Variants in GTF2B observed in about 807,000 individuals in gnomAD.
The protein encoded by GTF2B is general transcription factor IIB, also known as transcription initiation factor IIB.
In GTF2B, 20 loss-of-function variants were observed where a neutral mutation model predicts 34.6. The observed-to-expected ratio is 0.58, with a 90% CI of 0.41 to 0.84. The LOEUF (loss-of-function observed/expected upper bound fraction) is 0.84. Ranked by LOEUF, GTF2B falls within the 40% of genes least tolerant of loss-of-function variation. The pLI is 0.00. For missense variants in GTF2B, 237 were observed against 393.3 expected (o/e 0.60, Z 3.36); for synonymous variants, 142 against 132.4 (o/e 1.07, Z -0.50).
chr1:88,863,597 C>T (rs890977224), intron 3 of GTF2B, among the ~76,000 whole-genome samples: 36 of 152,054 alleles, frequency 2.4e-4, no homozygotes, highest in African/African-American at 8.0e-4. Flanking sequence ...CCTTGTGATC[C>T]GCCTGCCTTG....
intron 3 of GTF2B, among the ~76,000 whole-genome samples, chr1:88,862,665 G>GTGTCA (rs2100965855): frequency 6.6e-6 from 1 of 152,228 alleles, no homozygotes; most frequent in East Asian, 1.9e-4. Flanking sequence ...CTGGACAAGA[G>GTGTCA]TGTCACTCTG....
chr1:88,874,978 T>C (rs1673786085), intron 2 of GTF2B, among the ~76,000 whole-genome samples: 1 of 152,158 alleles, frequency 6.6e-6, no homozygotes, highest in Admixed American at 6.5e-5. Flanking sequence ...TAAGTCAACA[T>C]GCTGTAAACA....
chr1:88,881,805 A>G (rs1434601264), intron 2 of GTF2B, among the ~76,000 whole-genome samples: 1 of 152,204 alleles, frequency 6.6e-6, no homozygotes, highest in South Asian at 2.1e-4. Flanking sequence ...TGATACTAGT[A>G]AGTCAATAAA....
chr1:88,887,154 G>A (rs1447640527), intron 2 of GTF2B, 107 bp downstream of exon 2: 6 of 663,398 alleles, frequency 9.0e-6, no homozygotes, highest in Non-Finnish European at 1.6e-5. Flanking sequence ...CCTGACCTCA[G>A]GTGATCCTCC....
Position 88,891,514 on chromosome 1 carries a change from C to G in GTF2B, c.-15G>C, listed in dbSNP as rs753263393. On this transcript the variant is annotated 5_prime_UTR_variant, in exon 1 of 7. Transcript: ENST00000370500. ...GTAGACGCCATCTTCACGGCGACTG[C>G]GGTGCCCGCAACAAGACACAACAGA... The G allele has an allele frequency of 1.2e-6, 2 of 1,600,442 alleles. No homozygotes were observed. The highest frequency in any genetic ancestry group is 4.5e-5 in the East Asian group (2 of 44,108).
chr1:88,879,866 G>A (rs895280798), intron 2 of GTF2B, among the ~76,000 whole-genome samples: 1 of 151,906 alleles, frequency 6.6e-6, no homozygotes, highest in African/African-American at 2.4e-5. Flanking sequence ...GACCAGCCTG[G>A]GCAACATGGT....
At chr1:88,891,162 G>A (rs1475777128) in intron 1 of GTF2B, among the ~76,000 whole-genome samples, 1 of 143,180 alleles carries the variant, frequency 7.0e-6, no homozygotes, top group African/African-American at 2.6e-5. Context: ...AGGGTGGGAA[G>A]AAGAGAAAAT....
rs74771596 is a variant in GTF2B, at chr1:88,884,404, C to A, written c.124+2857G>T. Among the ~76,000 whole-genome samples the A allele has an allele frequency of 5.6e-4, 85 of 152,286 alleles. 2 individuals are homozygous for A. The East Asian group carries it at 0.016, about 28-fold the overall frequency. On this transcript the variant is annotated intron_variant, in intron 2 of 6. Transcript: ENST00000370500. ...TCATCAAGAGCCAAGGAAAAATATA[C>A]CTGAGCTAATTTGCCTTAACTTTTA...
At chr1:88,882,098 C>T (rs1349015227) in intron 2 of GTF2B, among the ~76,000 whole-genome samples, 1 of 151,842 alleles carries the variant, frequency 6.6e-6, no homozygotes, top group African/African-American at 2.4e-5. Context: ...ACACTTGAGG[C>T]CAGGAGTTTA....
chr1:88,886,281 C>A (rs1674066994), intron 2 of GTF2B, among the ~76,000 whole-genome samples: 1 of 152,136 alleles, frequency 6.6e-6, no homozygotes, highest in African/African-American at 2.4e-5. Context: ...GTTATACTGC[C>A]CACAATCCTT....
At chr1:88,854,140 TTTC>T (rs1416443528) in intron 6 of GTF2B, among the ~76,000 whole-genome samples, 2 of 152,208 alleles carry the variant, frequency 1.3e-5, no homozygotes, top group Non-Finnish European at 2.9e-5. Flanking sequence ...TCACTTTATA[TTTC>T]TGTGTTTGAA....
intron 2 of GTF2B, among the ~76,000 whole-genome samples, chr1:88,865,284 C>A (rs79355042): frequency 6.6e-6 from 1 of 152,158 alleles, no homozygotes; most frequent in Non-Finnish European, 1.5e-5. Context: ...TTATAATACC[C>A]ATGTACAGTG....
intron 2 of GTF2B, among the ~76,000 whole-genome samples, chr1:88,865,146 TAGTC>T (rs757402511): frequency 2.0e-4 from 31 of 152,214 alleles, no homozygotes; most frequent in Non-Finnish European, 3.7e-4. Context: ...ATTAATATAA[TAGTC>T]AGGGGTGTGA....
At chr1:88,876,877 TA>T (rs1194052658) in intron 2 of GTF2B, among the ~76,000 whole-genome samples, 1 of 152,180 alleles carries the variant, frequency 6.6e-6, no homozygotes, top group Non-Finnish European at 1.5e-5. Context: ...TACTAATTAG[TA>T]AAGCCAACCC....
At chr1:88,862,075 T>C (rs558711838) in intron 3 of GTF2B, among the ~76,000 whole-genome samples, 2 of 152,284 alleles carry the variant, frequency 1.3e-5, no homozygotes, top group Non-Finnish European at 2.9e-5. Flanking sequence ...TGGAAAAGAC[T>C]AGCGAAGAAA....
chr1:88,889,879 A>T (rs1053463402), intron 1 of GTF2B, among the ~76,000 whole-genome samples: 8 of 152,124 alleles, frequency 5.3e-5, no homozygotes, highest in Non-Finnish European at 1.0e-4. Context: ...AATAAAATTT[A>T]AAAATAAAAA....
intron 2 of GTF2B, among the ~76,000 whole-genome samples, chr1:88,870,590 C>T (rs1356537803): frequency 2.6e-5 from 4 of 152,062 alleles, no homozygotes; most frequent in Non-Finnish European, 5.9e-5. Context: ...ATTTTATATG[C>T]TTAAATTCAG....
intron 2 of GTF2B, among the ~76,000 whole-genome samples, chr1:88,876,075 T>TAG (rs56249946): frequency 2.0e-5 from 3 of 152,056 alleles, no homozygotes; most frequent in African/African-American, 7.3e-5. Context: ...TTAAAAGCTG[T>TAG]ATTAGGCAAG....
chr1:88,854,161 A>G (rs538481417), intron 6 of GTF2B, among the ~76,000 whole-genome samples: 15 of 152,342 alleles, frequency 9.8e-5, no homozygotes, highest in Non-Finnish European at 2.9e-5. Flanking sequence ...GAAAGCTCCC[A>G]TGCAAAATCT....
Sources: gnomAD v4.1 joint callset for allele counts (sites outside exome capture counted in the v4.1 genomes callset) on GRCh38, gnomAD v4.1.1 for gene constraint, MANE v1.5 for transcripts, NCBI Gene and HGNC (gene_info 2026-07-23, HGNC 2026-07-21) for gene names.